PCDH9: variants seen among roughly 807,000 people sequenced by gnomAD.
PCDH9 encodes the protein protocadherin-9.
PCDH9 carries 24 observed loss-of-function variants against 70.6 expected under a neutral mutation model. The ratio of observed to expected loss-of-function variants is 0.34; its 90% CI spans 0.25 to 0.48. The LOEUF (loss-of-function observed/expected upper bound fraction) is 0.48, where lower values mean the gene tolerates loss of function less well. Among genes scored for constraint, PCDH9 ranks in the 20% least tolerant of loss-of-function variants. The pLI, the probability that PCDH9 is intolerant of heterozygous loss-of-function variation, is 0.99. For synonymous variants in PCDH9, 562 were observed against 558.5 expected (o/e 1.01, Z -0.09); for missense variants, 1,281 against 1,503.6 (o/e 0.85, Z 2.45).
At chr13:66,825,860 C>T (rs2080815119) in intron 3 of PCDH9, among the ~76,000 whole-genome samples, 1 of 151,944 alleles carries the variant, frequency 6.6e-6, no homozygotes, top group Non-Finnish European at 1.5e-5. Context: ...AACTCACAAA[C>T]TACATGGCAT....
chr13:66,786,928 G>A (rs1006290541), intron 3 of PCDH9, among the ~76,000 whole-genome samples: 13 of 152,120 alleles, frequency 8.5e-5, no homozygotes, highest in African/African-American at 1.9e-4. Context: ...AAGAGATGTC[G>A]AAGCATTGCA....
At chr13:66,820,896 T>C (rs1566216518) in intron 3 of PCDH9, among the ~76,000 whole-genome samples, 1 of 152,178 alleles carries the variant, frequency 6.6e-6, no homozygotes, top group Non-Finnish European at 1.5e-5. Flanking sequence ...GGTATTAGGC[T>C]TAATACCTAG....
At chr13:66,758,487 A>G (rs1425619350) in intron 3 of PCDH9, among the ~76,000 whole-genome samples, 2 of 152,046 alleles carry the variant, frequency 1.3e-5, no homozygotes, top group Non-Finnish European at 2.9e-5. Flanking sequence ...ATGTTTTAAT[A>G]CATGTATACA....
chr13:66,731,537 T>C (rs940068642), intron 3 of PCDH9, among the ~76,000 whole-genome samples: 2 of 152,054 alleles, frequency 1.3e-5, no homozygotes, highest in Non-Finnish European at 2.9e-5. Context: ...ATCTATATGG[T>C]ATTAAGTTTA....
intron 4 of PCDH9, among the ~76,000 whole-genome samples, chr13:66,360,363 G>A (rs925590812): frequency 1.3e-5 from 2 of 151,978 alleles, no homozygotes; most frequent in Non-Finnish European, 2.9e-5. Flanking sequence ...CACACCAAGA[G>A]CAAAAATGGG....
intron 2 of PCDH9, among the ~76,000 whole-genome samples, chr13:66,934,547 A>AG (rs2082874150): frequency 1.4e-5 from 2 of 145,718 alleles, no homozygotes. Context: ...GTCCCAAAAA[A>AG]AAAAAAAAAA....
At chr13:66,960,853 A>G (rs2083334321) in intron 2 of PCDH9, among the ~76,000 whole-genome samples, 1 of 152,190 alleles carries the variant, frequency 6.6e-6, no homozygotes, top group Admixed American at 6.5e-5. Context: ...TTTCAAAATC[A>G]CATATATTTA....
intron 3 of PCDH9, among the ~76,000 whole-genome samples, chr13:66,818,915 A>C (rs1291025859): frequency 6.6e-6 from 1 of 151,354 alleles, no homozygotes; most frequent in Non-Finnish European, 1.5e-5. Flanking sequence ...GCCTGGGTGA[A>C]AGAGCTAGAC....
chr13:66,687,514 A>C (rs1217977873), intron 3 of PCDH9, among the ~76,000 whole-genome samples: 3 of 151,152 alleles, frequency 2.0e-5, no homozygotes, highest in Non-Finnish European at 3.0e-5. Context: ...GATCTCTTCC[A>C]GTTTTATACA....
At chr13:66,569,318 A>G (rs907467329) in intron 4 of PCDH9, among the ~76,000 whole-genome samples, 2 of 152,012 alleles carry the variant, frequency 1.3e-5, no homozygotes, top group Non-Finnish European at 2.9e-5. Context: ...ACACCCAGCC[A>G]AAAGTGTCAT....
chr13:66,664,078 C>T lies in PCDH9; in HGVS notation c.3139-32667G>A, dbSNP rs549956784. 7.9e-5 allele frequency among the ~76,000 whole-genome samples: 12 copies of T among 152,298 alleles called. No homozygotes were observed. In the East Asian group the frequency reaches 9.7e-4, roughly 12 times the overall value. ...GACCACTGTGGGATAAGTTTCCTAT[C>T]CCTTTTGCCACATACAAAGTGTGAT... On this transcript the variant is annotated intron_variant, in intron 3 of 4. Transcript: ENST00000377865.
At chr13:66,774,025 G>A (rs2079851912) in intron 3 of PCDH9, among the ~76,000 whole-genome samples, 1 of 152,146 alleles carries the variant, frequency 6.6e-6, no homozygotes, top group Admixed American at 6.5e-5. Context: ...TTATCCACCT[G>A]CCTCAGCCTC....
chr13:67,168,824 A>G (rs1336476697), intron 2 of PCDH9, among the ~76,000 whole-genome samples: 1 of 152,216 alleles, frequency 6.6e-6, no homozygotes, highest in Non-Finnish European at 1.5e-5. Context: ...GTCATTTAAA[A>G]TGTTATCTCA....
At chr13:66,776,610 C>T (rs1447479361) in intron 3 of PCDH9, among the ~76,000 whole-genome samples, 1 of 152,158 alleles carries the variant, frequency 6.6e-6, no homozygotes, top group African/African-American at 2.4e-5. Context: ...CTATAAACCA[C>T]TGCTCAATGA....
intron 2 of PCDH9, among the ~76,000 whole-genome samples, chr13:66,906,931 C>T (rs1255695427): frequency 1.3e-5 from 2 of 151,638 alleles, no homozygotes; most frequent in Non-Finnish European, 1.5e-5. Flanking sequence ...CTCGGCTGGG[C>T]GCAGTGGCTC....
chr13:66,459,085 C>A (rs941380792), intron 4 of PCDH9, among the ~76,000 whole-genome samples: 1 of 151,924 alleles, frequency 6.6e-6, no homozygotes, highest in Non-Finnish European at 1.5e-5. Context: ...AAAATAAGAA[C>A]GTGTTCCACT....
intron 2 of PCDH9, chr13:67,209,498 A>C (rs1396917591): frequency 6.6e-6 from 1 of 152,128 alleles, no homozygotes; most frequent in African/African-American, 2.4e-5. Flanking sequence ...ATCCATCTAC[A>C]GTGTAAAATA....
intron 3 of PCDH9, among the ~76,000 whole-genome samples, chr13:66,755,853 C>T (rs2079531538): frequency 6.6e-6 from 1 of 152,136 alleles, no homozygotes; most frequent in Non-Finnish European, 1.5e-5. Flanking sequence ...CAGAAAAATA[C>T]TCCAGGACAC....
intron 2 of PCDH9, chr13:67,203,129 A>G (rs117876220): frequency 2.8e-4 from 42 of 152,240 alleles, no homozygotes; most frequent in Non-Finnish European, 6.0e-4. Context: ...TTCTCTCACA[A>G]TGTTAGAAAC....
Sources: gnomAD v4.1 joint callset for allele counts (sites outside exome capture counted in the v4.1 genomes callset) on GRCh38, gnomAD v4.1.1 for gene constraint, MANE v1.5 for transcripts, NCBI Gene and HGNC (gene_info 2026-07-23, HGNC 2026-07-21) for gene names.